FAM163A: variants seen among roughly 807,000 people sequenced by gnomAD.
FAM163A encodes the protein family with sequence similarity 163 member A.
FAM163A carries 7 observed loss-of-function variants against 12.0 expected under a neutral mutation model. That is an observed-to-expected ratio of 0.58 (90% CI 0.33 to 1.10). The LOEUF is 1.10. Among genes scored for constraint, FAM163A ranks in the 50% least tolerant of loss-of-function variants. FAM163A has a pLI of 0.03. For synonymous variants in FAM163A, 101 were observed against 91.0 expected (o/e 1.11, Z -0.62); for missense variants, 202 against 218.6 (o/e 0.92, Z 0.48).
chr1:179,776,326 A>C (rs1688963267), intron 1 of FAM163A, among the ~76,000 whole-genome samples: 1 of 152,050 alleles, frequency 6.6e-6, no homozygotes, highest in African/African-American at 2.4e-5. Context: ...CCCCGTCTCT[A>C]CTAAAAATAC....
chr1:179,772,917 CA>C, intron 1 of FAM163A, among the ~76,000 whole-genome samples: 1 of 150,984 alleles, frequency 6.6e-6, no homozygotes, highest in South Asian at 2.1e-4. Flanking sequence ...GCACAAGAGC[CA>C]AAAGGAGGAC....
chr1:179,814,085 C>A lies in FAM163A; in HGVS notation c.400C>A (p.Pro134Thr), dbSNP rs202166334. ...TCCCACATACTACAAAGAGGGGGGA[C>A]CCCCATCCCTCAAATTGGCAGCACC... is the stretch of plus-strand genomic sequence containing the variant. ...FAPTYYKEGG[P>T]PSLKLAAPQS... Residue 134 changes from proline (P) to threonine (T), a missense_variant, in exon 5 of 5, where the codon CCC becomes ACC. Transcript: ENST00000341785. 6.2e-7 allele frequency: 1 copy of A among 1,614,094 alleles called. No homozygotes were observed. Among genetic ancestry groups the A allele is most frequent in the Middle Eastern group, 1.7e-4 (1 of 6,060 alleles).
chr1:179,758,455 C>T (rs1038021145), intron 1 of FAM163A, among the ~76,000 whole-genome samples: 6 of 152,224 alleles, frequency 3.9e-5, no homozygotes, highest in African/African-American at 1.4e-4. Flanking sequence ...CGCCCCACCC[C>T]TACTCCATCA....
intron 1 of FAM163A, among the ~76,000 whole-genome samples, chr1:179,788,341 C>T (rs1690941078): frequency 6.6e-6 from 1 of 152,188 alleles, no homozygotes; most frequent in Non-Finnish European, 1.5e-5. Flanking sequence ...AACTGTTACT[C>T]CCAGACTGCA....
chr1:179,751,889 G>A (rs1206618660), intron 1 of FAM163A, among the ~76,000 whole-genome samples: 1 of 152,146 alleles, frequency 6.6e-6, no homozygotes, highest in Non-Finnish European at 1.5e-5. Context: ...ACTATCCAAA[G>A]TGATTGGCAG....
rs576626343 is a variant in FAM163A at position 179,768,906 on chromosome 1, G to A, written c.-136+25483G>A. Among the ~76,000 whole-genome samples, 40 of 151,776 alleles carry A rather than the reference G, an allele frequency of 2.6e-4. 1 individual carries two copies. The highest frequency in any genetic ancestry group is 2.2e-3 in the Admixed American group (33 of 15,216). On this transcript the variant is annotated intron_variant, in intron 1 of 4. Coordinates refer to ENST00000341785, the MANE Select transcript of FAM163A (RefSeq NM_173509.3). Reference sequence around the variant, plus strand: ...GGCGTGAGCCACTGCACCCGGCCTGGACACTGGATTTTTAAAGATACTAAG... The same window carrying A: ...GGCGTGAGCCACTGCACCCGGCCTGAACACTGGATTTTTAAAGATACTAAG...
intron 1 of FAM163A, among the ~76,000 whole-genome samples, chr1:179,806,504 T>C (rs1426063442): frequency 6.6e-6 from 1 of 152,186 alleles, no homozygotes; most frequent in Non-Finnish European, 1.5e-5. Context: ...GCTCTGCCCC[T>C]GAGAGCTGCT....
At chr1:179,813,738 A>G in intron 4 of FAM163A, 41 bp from the exon 5 acceptor site, 3 of 1,608,394 alleles carry the variant, frequency 1.9e-6, no homozygotes, top group Non-Finnish European at 2.5e-6. Context: ...GGGCGGGGGG[A>G]GCATTCACCC....
chr1:179,756,160 G>T (rs746806330), intron 1 of FAM163A, among the ~76,000 whole-genome samples: 69 of 152,298 alleles, frequency 4.5e-4, no homozygotes, highest in Middle Eastern at 3.4e-3. Context: ...AAGCCAGACT[G>T]GTCCATCTGG....
chr1:179,799,268 G>A (rs1385286246), intron 1 of FAM163A, among the ~76,000 whole-genome samples: 1 of 152,228 alleles, frequency 6.6e-6, no homozygotes, highest in Non-Finnish European at 1.5e-5. Flanking sequence ...GGACAGATAG[G>A]GAGAAATCCA....
chr1:179,806,499 G>A (rs1693955533), intron 1 of FAM163A, among the ~76,000 whole-genome samples: 1 of 152,206 alleles, frequency 6.6e-6, no homozygotes. Flanking sequence ...CCAGGGCTCT[G>A]CCCCTGAGAG....
intron 1 of FAM163A, among the ~76,000 whole-genome samples, chr1:179,748,279 G>C (rs959736835): frequency 5.3e-5 from 8 of 152,182 alleles, no homozygotes; most frequent in African/African-American, 1.9e-4. Flanking sequence ...GAACGCACAA[G>C]GCAGCTGCTT....
At chr1:179,788,485 T>C (rs1368759726) in intron 1 of FAM163A, among the ~76,000 whole-genome samples, 3 of 152,186 alleles carry the variant, frequency 2.0e-5, no homozygotes, top group Non-Finnish European at 4.4e-5. Flanking sequence ...TGACAAAGCC[T>C]GTGAGAACCG....
At chr1:179,797,218 G>C (rs1201494020) in intron 1 of FAM163A, among the ~76,000 whole-genome samples, 1 of 149,502 alleles carries the variant, frequency 6.7e-6, no homozygotes, top group Non-Finnish European at 1.5e-5. Flanking sequence ...AGGCCGAGGC[G>C]GGCAGCTCAC....
intron 1 of FAM163A, among the ~76,000 whole-genome samples, chr1:179,801,496 A>G (rs1571553004): frequency 6.6e-6 from 1 of 152,204 alleles, no homozygotes; most frequent in East Asian, 1.9e-4. Flanking sequence ...TCTTGGAACA[A>G]CATCAGCCCT....
chr1:179,744,403 C>A (rs1389899596), intron 1 of FAM163A, among the ~76,000 whole-genome samples: 1 of 152,064 alleles, frequency 6.6e-6, no homozygotes, highest in Non-Finnish European at 1.5e-5. Flanking sequence ...CTGCTGGGAC[C>A]CCGCCACCCG....
intron 1 of FAM163A, among the ~76,000 whole-genome samples, chr1:179,762,358 T>G (rs1471601122): frequency 6.6e-6 from 1 of 152,162 alleles, no homozygotes. Flanking sequence ...GGGATCATGC[T>G]GGGTATGTGG....
Position 179,815,099 on chromosome 1 carries a change from GC to G in FAM163A, c.*911del, listed in dbSNP as rs1695186492. 1 of 55,836 alleles carries G rather than the reference GC, an allele frequency of 1.8e-5. No individual in the cohort carries two copies. Among genetic ancestry groups the G allele is most frequent in the Non-Finnish European group, 3.2e-5 (1 of 31,174 alleles). The allele number at this position is 55,836 out of a possible 1,614,324, so 3.5% of individuals were successfully genotyped here. On this transcript the variant is annotated 3_prime_UTR_variant, in exon 5 of 5. Transcript: ENST00000341785. ...TAACCGTTCCCAGGTGTACGCACGC[GC>G]GCGCGCGCGCACAGACACACACACA... is the stretch of plus-strand genomic sequence containing the variant.
intron 1 of FAM163A, among the ~76,000 whole-genome samples, chr1:179,751,060 A>G (rs936007979): frequency 2.0e-5 from 3 of 152,164 alleles, no homozygotes; most frequent in Admixed American, 2.0e-4. Flanking sequence ...TGGGGCAAAC[A>G]TTGTGAGTGA....
Sources: allele counts gnomAD v4.1 joint callset (sites outside exome capture counted in the v4.1 genomes callset), GRCh38; gene constraint gnomAD v4.1.1; transcripts MANE v1.5; gene names NCBI Gene and HGNC (gene_info 2026-07-23, HGNC 2026-07-21).